The following RIMS2 variants were observed in gnomAD, a reference collection of about 807,000 sequenced individuals.
The protein encoded by RIMS2 is regulating synaptic membrane exocytosis protein 2.
In RIMS2, 59 loss-of-function variants were observed where a neutral mutation model predicts 174.4. That is an observed-to-expected ratio of 0.34 (90% CI 0.27 to 0.42). The LOEUF is 0.42. Among genes scored for constraint, RIMS2 ranks in the 10% least tolerant of loss-of-function variants. The pLI, the probability that RIMS2 is intolerant of heterozygous loss-of-function variation, is 1.00. For missense variants in RIMS2, 1,620 were observed against 1,666.3 expected, an observed-to-expected ratio of 0.97 and a Z score of 0.48; for synonymous variants, 606 against 572.5, an observed-to-expected ratio of 1.06 and a Z score of -0.84.
intron 19 of RIMS2, among the ~76,000 whole-genome samples, chr8:104,166,358 GC>G (rs2098798387): frequency 6.6e-6 from 1 of 152,000 alleles, no homozygotes; most frequent in Non-Finnish European, 1.5e-5. Context: ...GAGCCACCGG[GC>G]CCGGCCTGGA....
intron 1 of RIMS2, among the ~76,000 whole-genome samples, chr8:103,609,449 G>A (rs1172135491): frequency 6.7e-6 from 1 of 148,542 alleles, no homozygotes; most frequent in Non-Finnish European, 1.5e-5. Context: ...ATTAAGAATG[G>A]TCTTTCCTAG....
At chr8:104,176,376 T>C (rs961337657) in intron 19 of RIMS2, among the ~76,000 whole-genome samples, 12 of 152,254 alleles carry the variant, frequency 7.9e-5, no homozygotes, top group African/African-American at 2.6e-4. Flanking sequence ...TCTCTGACTG[T>C]ATTATAAGCT....
intron 1 of RIMS2, among the ~76,000 whole-genome samples, chr8:103,540,561 A>G (rs1226171461): frequency 6.6e-6 from 1 of 152,234 alleles, no homozygotes; most frequent in Non-Finnish European, 1.5e-5. Context: ...AGAGTTGGCT[A>G]CTGCACCAGA....
chr8:103,688,696 A>G (rs894829631), intron 1 of RIMS2, among the ~76,000 whole-genome samples: 6 of 151,930 alleles, frequency 3.9e-5, no homozygotes, highest in Non-Finnish European at 8.8e-5. Context: ...AGTTCATAGT[A>G]GTGTCTTATG....
chr8:104,025,715 A>ACACACG (rs776216968), intron 19 of RIMS2, among the ~76,000 whole-genome samples: 16 of 151,874 alleles, frequency 1.1e-4, no homozygotes, highest in Admixed American at 3.3e-4. Context: ...GTATACACAC[A>ACACACG]CACACACACA....
At chr8:104,010,528 C>T (rs1366330373) in intron 17 of RIMS2, among the ~76,000 whole-genome samples, 2 of 151,860 alleles carry the variant, frequency 1.3e-5, no homozygotes, top group South Asian at 2.1e-4. Context: ...CATTGTTAGT[C>T]AATGTAAATT....
intron 3 of RIMS2, among the ~76,000 whole-genome samples, chr8:103,782,762 T>G (rs1306997104): frequency 6.6e-6 from 1 of 152,156 alleles, no homozygotes; most frequent in Admixed American, 6.5e-5. Context: ...AGCATTTCTG[T>G]CTATGTTTAA....
chr8:103,912,970 G>GTTTTTTTTTTT (rs1272975359), intron 6 of RIMS2, among the ~76,000 whole-genome samples: 2 of 114,906 alleles, frequency 1.7e-5, no homozygotes, highest in Non-Finnish European at 3.5e-5. Flanking sequence ...TTTTTTTGTT[G>GTTTTTTTTTTT]TTTTTTTTTT....
At position 103,744,254 on chromosome 8, in the gene RIMS2, C is replaced by T. The variant is rs140330893; in HGVS notation, c.388-21973C>T. On this transcript the variant is annotated intron_variant, in intron 2 of 23. Coordinates refer to ENST00000504942, the Ensembl canonical transcript of RIMS2. Reference sequence around the variant, plus strand: ...AGAGATGGGGTGTCACCATGTTAGCCGGGATGGTCTCGATCTCTTGACCTT... The same window carrying T: ...AGAGATGGGGTGTCACCATGTTAGCTGGGATGGTCTCGATCTCTTGACCTT... Among the ~76,000 whole-genome samples, 570 of 151,990 alleles carry T rather than the reference C, an allele frequency of 3.8e-3. 8 individuals carry two copies. Among genetic ancestry groups the T allele is most frequent in the African/African-American group, 0.013 (541 of 41,450 alleles).
intron 19 of RIMS2, among the ~76,000 whole-genome samples, chr8:104,220,109 G>C (rs530817689): frequency 6.6e-6 from 1 of 152,000 alleles, no homozygotes; most frequent in Non-Finnish European, 1.5e-5. Context: ...TTCAAGACTA[G>C]AAGTCTCTGG....
chr8:104,238,008 C>T (rs989965605), intron 19 of RIMS2, among the ~76,000 whole-genome samples: 2 of 151,796 alleles, frequency 1.3e-5, no homozygotes, highest in African/African-American at 2.4e-5. Flanking sequence ...TAAAATCTGC[C>T]GATGGGCACT....
chr8:104,065,440 T>C (rs994817604), intron 19 of RIMS2, among the ~76,000 whole-genome samples: 1 of 152,138 alleles, frequency 6.6e-6, no homozygotes, highest in Admixed American at 6.6e-5. Flanking sequence ...TTTTCTTAGA[T>C]AGAGCAAAGG....
chr8:103,756,388 TTG>T (rs1491182750), intron 2 of RIMS2, among the ~76,000 whole-genome samples: 15 of 128,720 alleles, frequency 1.2e-4, no homozygotes, highest in African/African-American at 4.4e-4. Context: ...GTTGTTGTTT[TTG>T]TTTTTTTTTT....
intron 19 of RIMS2, among the ~76,000 whole-genome samples, chr8:104,067,857 A>C (rs975864165): frequency 5.9e-5 from 9 of 152,150 alleles, no homozygotes; most frequent in African/African-American, 2.2e-4. Context: ...AAAGAGGCTT[A>C]CCGTCTTGCT....
chr8:104,206,849 A>T (rs1408450671), intron 19 of RIMS2, among the ~76,000 whole-genome samples: 1 of 152,212 alleles, frequency 6.6e-6, no homozygotes, highest in African/African-American at 2.4e-5. Flanking sequence ...AGAGAGTTTC[A>T]TATATTCCTG....
chr8:103,881,896 A>G (rs1342991672), intron 3 of RIMS2, among the ~76,000 whole-genome samples: 1 of 151,490 alleles, frequency 6.6e-6, no homozygotes, highest in Non-Finnish European at 1.5e-5. Context: ...ATAAATATAT[A>G]CTGATATTAT....
At chr8:104,243,730 G>A (rs1376706650) in intron 19 of RIMS2, among the ~76,000 whole-genome samples, 2 of 152,152 alleles carry the variant, frequency 1.3e-5, no homozygotes, top group Non-Finnish European at 2.9e-5. Context: ...AGAGCTAACC[G>A]TATGGTTGTA....
chr8:103,910,446 T>C, intron 5 of RIMS2: 1 of 1,597,584 alleles, frequency 6.3e-7, no homozygotes, highest in Non-Finnish European at 8.5e-7. Context: ...GGATTTGGAA[T>C]GGTCTGAACC....
chr8:104,209,584 A>T (rs1451175882), intron 19 of RIMS2, among the ~76,000 whole-genome samples: 1 of 152,122 alleles, frequency 6.6e-6, no homozygotes, highest in Non-Finnish European at 1.5e-5. Flanking sequence ...GTATAAATTC[A>T]CTGGCTTATT....
Sources: allele counts gnomAD v4.1 joint callset (sites outside exome capture counted in the v4.1 genomes callset), GRCh38; gene constraint gnomAD v4.1.1; transcripts MANE v1.5; gene names NCBI Gene and HGNC (gene_info 2026-07-23, HGNC 2026-07-21).